ACACB: variants seen among roughly 807,000 people sequenced by gnomAD.
ACACB encodes acetyl-CoA carboxylase beta.
In ACACB, 209 loss-of-function variants were observed where a neutral mutation model predicts 278.8. The ratio of observed to expected loss-of-function variants is 0.75; its 90% CI spans 0.67 to 0.84. The LOEUF is 0.84. Ranked by LOEUF, ACACB falls within the 40% of genes least tolerant of loss-of-function variation. ACACB has a pLI of 0.00. For missense variants in ACACB, 2,850 were observed against 3,269.0 expected (o/e 0.87, Z 3.13); for synonymous variants, 1,174 against 1,285.6 (o/e 0.91, Z 1.86).
In ACACB at chr12:109,253,151, T is replaced by C. The variant is rs769568596; in HGVS notation, c.6038T>C (p.Met2013Thr). The change falls in exon 43 of 53, where the codon ATG (methionine) becomes ACG (threonine). Residue 2013 changes from methionine (M) to threonine (T), a missense_variant. Physicochemically the swap from Met to Thr is moderately conservative, Grantham distance 81 (BLOSUM62 -1). Coordinates refer to ENST00000338432, the MANE Select transcript of ACACB (RefSeq NM_001093.4). ...VYTILEWLSY[M>T]PKDNHSPVPI... ...ACCATCCTGGAGTGGCTGTCCTATA[T>C]GCCAAAGGTGCAGTACTCCCCCTGC... 4.1e-5 allele frequency: 65 copies of C among 1,585,150 alleles called. No homozygotes were observed. The highest frequency in any genetic ancestry group is 5.5e-5 in the Non-Finnish European group (64 of 1,163,508).
In ACACB at chr12:109,174,219, G is replaced by A. The variant is rs947797808; in HGVS notation, c.1205G>A (p.Trp402Ter). 2 of 1,611,898 alleles carry A rather than the reference G, an allele frequency of 1.2e-6. No individual in the cohort carries two copies. The highest frequency in any genetic ancestry group is 2.7e-5 in the African/African-American group (2 of 75,046). The change falls in exon 7 of 53, where the codon TGG (tryptophan) becomes TAG (stop). Residue 402 changes from tryptophan to a stop codon, truncating the protein, a stop_gained. Coordinates refer to ENST00000338432, the MANE Select transcript of ACACB (RefSeq NM_001093.4). LOFTEE classifies it high-confidence loss of function. Reference protein sequence around the residue: ...AQTLQVPTLPWSGSGLTVEWT... With the variant: ...AQTLQVPTLP ...ACGCTACAGGTCCCAACCCTGCCCT[G>A]GAGTGGAAGCGGTAAGGGACCCCGA... is the stretch of plus-strand genomic sequence containing the variant.
chr12:109,129,830 G>T (rs555929416), intron 1 of ACACB, among the ~76,000 whole-genome samples: 1 of 152,236 alleles, frequency 6.6e-6, no homozygotes, highest in Non-Finnish European at 1.5e-5. Flanking sequence ...AGGACTGACA[G>T]GTGCTGTGAA....
At chr12:109,172,576 A>T (rs1400871612) in intron 6 of ACACB, among the ~76,000 whole-genome samples, 1 of 152,226 alleles carries the variant, frequency 6.6e-6, no homozygotes, top group Admixed American at 6.5e-5. Flanking sequence ...AAAGGAAGAC[A>T]CACAGGCAGC....
intron 2 of ACACB, among the ~76,000 whole-genome samples, chr12:109,145,802 C>A (rs2043229347): frequency 6.6e-6 from 1 of 151,392 alleles, no homozygotes; most frequent in Admixed American, 6.6e-5. Context: ...AGTTTGAGAC[C>A]AGCCTGGCCA....
At chr12:109,262,036 G>C (rs2047392268) in intron 48 of ACACB, among the ~76,000 whole-genome samples, 1 of 152,116 alleles carries the variant, frequency 6.6e-6, no homozygotes, top group Admixed American at 6.5e-5. Context: ...CAAAGTTAGA[G>C]AGGACTGTGG....
chr12:109,254,120 C>T (rs2047164366), intron 43 of ACACB, 94 bp from the exon 44 acceptor site: 7 of 1,473,620 alleles, frequency 4.8e-6, no homozygotes, highest in African/African-American at 1.4e-5. Context: ...GCTGCATAAC[C>T]AGGCATAATC....
intron 2 of ACACB, among the ~76,000 whole-genome samples, chr12:109,150,797 T>C (rs191494570): frequency 1.3e-5 from 2 of 152,270 alleles, no homozygotes; most frequent in East Asian, 1.9e-4. Flanking sequence ...GGAAACTAAA[T>C]TGTCTATGCA....
chr12:109,158,991 A>G (rs1020510425), intron 2 of ACACB, among the ~76,000 whole-genome samples: 4 of 152,186 alleles, frequency 2.6e-5, no homozygotes, highest in Non-Finnish European at 5.9e-5. Context: ...AACGAAACAA[A>G]ACAAAAAACA....
At chr12:109,112,382 A>G (rs1303421673), upstream of ACACB, among the ~76,000 whole-genome samples, 2 of 151,788 alleles carry the variant, frequency 1.3e-5, no homozygotes, top group African/African-American at 4.8e-5. Context: ...ATGACCCTCC[A>G]AAAATTTAAT....
At chr12:109,174,362 CATT>C (rs1442220773) in intron 7 of ACACB, 132 bp downstream of exon 7, 5 of 673,226 alleles carry the variant, frequency 7.4e-6, no homozygotes, top group African/African-American at 1.8e-5. Flanking sequence ...ATTTTTTAGT[CATT>C]AGCAAAATAT....
At chr12:109,122,311 T>C (rs2042567152) in intron 1 of ACACB, among the ~76,000 whole-genome samples, 1 of 152,198 alleles carries the variant, frequency 6.6e-6, no homozygotes, top group Admixed American at 6.5e-5. Flanking sequence ...AGACAATGAT[T>C]ATAAAATGCT....
At chr12:109,227,018 A>G (rs2046332006) in intron 27 of ACACB, among the ~76,000 whole-genome samples, 1 of 151,684 alleles carries the variant, frequency 6.6e-6, no homozygotes, top group African/African-American at 2.4e-5. Context: ...TGGTGCTATC[A>G]TAGCTCATTG....
Position 109,166,913 on chromosome 12 carries a change from C to T in ACACB, c.706C>T (p.Leu236=), listed in dbSNP as rs551117282. 6.2e-7 allele frequency: 1 copy of T among 1,614,072 alleles called. No homozygotes were observed. The highest frequency in any genetic ancestry group is 8.5e-7 in the Non-Finnish European group (1 of 1,180,034). ...GAAGAGGGGACGGGAACACAAGAAG[C>T]TGGACCTGCACAGAGACTTTACCGT... ...LVKRGREHKK[L]DLHRDFTVAS... is the part of the protein sequence containing the mutation. Residue 236 remains leucine (L), a synonymous_variant, in exon 3 of 53, where the codon CTG becomes TTG. Transcript: ENST00000338432.
intron 32 of ACACB, 47 bp from the exon 33 acceptor site, chr12:109,235,559 G>T (rs756661565): frequency 3.9e-6 from 6 of 1,557,912 alleles, no homozygotes; most frequent in Non-Finnish European, 5.3e-6. Context: ...ATATTTCAGT[G>T]CGTCTTGCTT....
At chr12:109,201,352 C>G (rs1321133011) in intron 18 of ACACB, among the ~76,000 whole-genome samples, 1 of 152,210 alleles carries the variant, frequency 6.6e-6, no homozygotes, top group African/African-American at 2.4e-5. Context: ...CCTTGGCTGG[C>G]TTTGCAGATT....
chr12:109,167,380 G>C (rs1195364386), intron 3 of ACACB: 1 of 162,840 alleles, frequency 6.1e-6, no homozygotes, highest in Non-Finnish European at 1.3e-5. Context: ...CCCAGCCTGG[G>C]TTTGTGTTCA....
intron 2 of ACACB, among the ~76,000 whole-genome samples, chr12:109,144,982 C>T (rs1294504746): frequency 6.6e-6 from 1 of 152,010 alleles, no homozygotes; most frequent in East Asian, 1.9e-4. Flanking sequence ...AGGCTGGTCT[C>T]CATCTCCTGA....
At chr12:109,210,575 G>GTA (rs2045811633) in intron 21 of ACACB, among the ~76,000 whole-genome samples, 1 of 148,404 alleles carries the variant, frequency 6.7e-6, no homozygotes, top group African/African-American at 2.5e-5. Flanking sequence ...ATGTATGTGT[G>GTA]TATATACATA....
intron 19 of ACACB, 75 bp from the exon 20 acceptor site, chr12:109,206,635 G>A (rs2045523888): frequency 6.4e-7 from 1 of 1,554,130 alleles, no homozygotes; most frequent in Non-Finnish European, 8.8e-7. Flanking sequence ...GATCTGTCCT[G>A]CCTCCCGTTC....
Sources: allele counts gnomAD v4.1 joint callset (sites outside exome capture counted in the v4.1 genomes callset), GRCh38; gene constraint gnomAD v4.1.1; transcripts MANE v1.5; gene names NCBI Gene and HGNC (gene_info 2026-07-23, HGNC 2026-07-21).